FRAS1: variants seen among roughly 807,000 people sequenced by gnomAD.
The protein encoded by FRAS1 is Fraser extracellular matrix complex subunit 1.
A neutral mutation model predicts 435.2 loss-of-function variants in FRAS1; 290 were observed. The ratio of observed to expected loss-of-function variants is 0.67; its 90% CI spans 0.61 to 0.73. The LOEUF (loss-of-function observed/expected upper bound fraction) is 0.73, where lower values mean the gene tolerates loss of function less well. FRAS1 is among the 30% of genes least tolerant of loss of function. The pLI, the probability that FRAS1 is intolerant of heterozygous loss-of-function variation, is 0.00. For synonymous variants in FRAS1, 1,800 were observed against 1,851.0 expected, an observed-to-expected ratio of 0.97 and a Z score of 0.71; for missense variants, 4,860 against 5,001.5, an observed-to-expected ratio of 0.97 and a Z score of 0.85.
In FRAS1 at chr4:78,080,869, G is replaced by A. The variant is rs145104098; in HGVS notation, c.108+14853G>A. On this transcript the variant is annotated intron_variant, in intron 2 of 73. Coordinates refer to ENST00000512123, the MANE Select transcript of FRAS1 (RefSeq NM_025074.7). ...TTACCTTTTAAATCTGTCCCAGGAC[G>A]TCTTACTGAATCAGACTTGAAACTG... is the stretch of plus-strand genomic sequence containing the variant. 3.3e-5 allele frequency among the ~76,000 whole-genome samples: 5 copies of A among 152,224 alleles called. No homozygotes were observed. In the East Asian group the frequency reaches 7.7e-4, roughly 24 times the overall value.
Position 78,308,209 on chromosome 4 carries a change from G to A in FRAS1, c.1678G>A (p.Ala560Thr), listed in dbSNP as rs199588297. The A allele has an allele frequency of 2.2e-5, 35 of 1,613,612 alleles. No homozygotes were observed. Among genetic ancestry groups the A allele is most frequent in the Non-Finnish European group, 2.6e-5 (31 of 1,179,764 alleles). ...CTACAACAGGCAGGGCACCTGTAGC[G>A]GTGAGTGCTGGGTTGCGATGCTGAC... is the stretch of plus-strand genomic sequence containing the variant. ...GFYNRQGTCS[A>T]CDQSCDSCGP... is the part of the protein sequence containing the mutation. The change falls in exon 15 of 74, where the codon GCT becomes ACT. Residue 560 changes from alanine (A) to threonine (T), a missense_variant and splice_region_variant. Physicochemically the swap from Ala to Thr is moderately conservative, Grantham distance 58 (BLOSUM62 0). Transcript: ENST00000512123.
intron 2 of FRAS1, among the ~76,000 whole-genome samples, chr4:78,215,137 A>T (rs909128378): frequency 6.6e-6 from 1 of 152,244 alleles, no homozygotes; most frequent in Admixed American, 6.5e-5. Flanking sequence ...TTGTTTTAAA[A>T]AAATTTTAAT....
At chr4:78,530,575 T>C (rs1721680108) in intron 70 of FRAS1, among the ~76,000 whole-genome samples, 4 of 152,152 alleles carry the variant, frequency 2.6e-5, no homozygotes, top group African/African-American at 9.7e-5. Flanking sequence ...GAAAAGTGGC[T>C]AGCCAAATGC....
At chr4:78,209,592 T>G (rs567588180) in intron 2 of FRAS1, among the ~76,000 whole-genome samples, 1 of 152,264 alleles carries the variant, frequency 6.6e-6, no homozygotes, top group South Asian at 2.1e-4. Flanking sequence ...CCTCTGTCAA[T>G]AGTCTATATC....
chr4:78,185,466 G>T (rs190993621), intron 2 of FRAS1, among the ~76,000 whole-genome samples: 2 of 152,130 alleles, frequency 1.3e-5, no homozygotes, highest in East Asian at 3.8e-4. Flanking sequence ...CTATGCTCAC[G>T]GGATTGTTTT....
intron 2 of FRAS1, among the ~76,000 whole-genome samples, chr4:78,098,032 A>G (rs1741904093): frequency 1.3e-5 from 2 of 152,018 alleles, no homozygotes; most frequent in Non-Finnish European, 2.9e-5. Context: ...GTGAGAAAAT[A>G]AATTTCTGTT....
chr4:78,140,085 ACTAT>A (rs1372698079), intron 2 of FRAS1, among the ~76,000 whole-genome samples: 3 of 152,176 alleles, frequency 2.0e-5, no homozygotes, highest in Admixed American at 1.3e-4. Flanking sequence ...ATGAATTATC[ACTAT>A]CTATCAATTC....
At chr4:78,462,367 C>T (rs1250481591) in intron 47 of FRAS1, among the ~76,000 whole-genome samples, 1 of 151,438 alleles carries the variant, frequency 6.6e-6, no homozygotes, top group East Asian at 1.9e-4. Context: ...AAAGTGAGAC[C>T]CTGTCTCAGA....
At chr4:78,312,851 AAGAAAGAAAG>A (rs1235340621) in intron 15 of FRAS1, among the ~76,000 whole-genome samples, 6 of 48,816 alleles carry the variant, frequency 1.2e-4, no homozygotes, top group African/African-American at 4.5e-4. Context: ...AAAAGAAAGA[AAGAAAGAAAG>A]AGAGAGAGAG....
At position 78,363,672 on chromosome 4, in the gene FRAS1, A is replaced by C. The variant is rs943865140; in HGVS notation, c.2575+7A>C. ...GAGAGAGGAGCTTGTAAAAGTGAGT[A>C]AGTGCTGGACTCAGGAGCTGGAGCT... On this transcript the variant is annotated splice_region_variant and intron_variant, in intron 21 of 73. Transcript: ENST00000512123. 6.3e-7 allele frequency: 1 copy of C among 1,576,472 alleles called. No homozygotes were observed. Among genetic ancestry groups the C allele is most frequent in the Non-Finnish European group, 8.6e-7 (1 of 1,160,906 alleles).
At chr4:78,385,461 T>A (rs1732183198) in intron 28 of FRAS1, among the ~76,000 whole-genome samples, 1 of 152,188 alleles carries the variant, frequency 6.6e-6, no homozygotes, top group Admixed American at 6.5e-5. Context: ...CAAAATGGTA[T>A]TAATAGCCCA....
rs1468250885 is a variant in FRAS1 at position 78,330,230 on chromosome 4, A to G, written c.2138-3042A>G. Among the ~76,000 whole-genome samples, 3 of 152,328 alleles carry G rather than the reference A, an allele frequency of 2.0e-5. No individual in the cohort carries two copies. In the East Asian group the frequency reaches 5.8e-4, roughly 29 times the overall value. ...CATAAATTGTGAAGATTTCATGGAC[A>G]CTCATCACTTCCCCAATCAATACCC... is the stretch of plus-strand genomic sequence containing the variant. On this transcript the variant is annotated intron_variant, in intron 18 of 73. Coordinates refer to ENST00000512123, the MANE Select transcript of FRAS1 (RefSeq NM_025074.7).
intron 2 of FRAS1, among the ~76,000 whole-genome samples, chr4:78,227,016 G>A (rs111832646): frequency 2.4e-4 from 36 of 152,152 alleles, no homozygotes; most frequent in Middle Eastern, 6.8e-3. Context: ...ATTTAATTGC[G>A]TTTGTAGATA....
chr4:78,471,014 A>C (rs187549037), intron 51 of FRAS1, among the ~76,000 whole-genome samples: 1 of 152,312 alleles, frequency 6.6e-6, no homozygotes, highest in East Asian at 1.9e-4. Flanking sequence ...CACTAGAAGA[A>C]GGGGAGGGTG....
chr4:78,304,841 T>G, intron 14 of FRAS1, among the ~76,000 whole-genome samples: 1 of 151,864 alleles, frequency 6.6e-6, no homozygotes, highest in African/African-American at 2.4e-5. Flanking sequence ...TTTTGAAGGG[T>G]TTTTTGTGTC....
At chr4:78,117,965 C>T (rs1718746053) in intron 2 of FRAS1, among the ~76,000 whole-genome samples, 1 of 152,220 alleles carries the variant, frequency 6.6e-6, no homozygotes, top group Non-Finnish European at 1.5e-5. Flanking sequence ...GTGGTTTTAT[C>T]TACCTTTGGT....
chr4:78,301,565 G>T (rs1560637306), intron 14 of FRAS1, among the ~76,000 whole-genome samples: 1 of 152,302 alleles, frequency 6.6e-6, no homozygotes, highest in East Asian at 1.9e-4. Flanking sequence ...GTAGGACTGG[G>T]TCCTCAGAAG....
chr4:78,271,347 G>T (rs947031219), intron 9 of FRAS1, among the ~76,000 whole-genome samples: 21 of 151,842 alleles, frequency 1.4e-4, no homozygotes, highest in Non-Finnish European at 2.6e-4. Context: ...AAGTTCTGGG[G>T]TGCATGTGCA....
rs767440787 is a variant in FRAS1, at chr4:78,499,817, G to A, written c.9212G>A (p.Gly3071Glu). 16 of 1,613,866 alleles carry A rather than the reference G, an allele frequency of 9.9e-6. No individual in the cohort carries two copies. In the South Asian group the frequency reaches 1.8e-4, roughly 18 times the overall value. Residue 3071 changes from glycine to glutamate, a missense_variant, in exon 61 of 74, where the codon GGG (glycine) becomes GAG (glutamate). Physicochemically the swap from Gly to Glu is moderately conservative, Grantham distance 98. Coordinates refer to ENST00000512123, the MANE Select transcript of FRAS1 (RefSeq NM_025074.7). Reference protein sequence around the residue: ...AILNIKVIRRGDQNRTSKVRC... With the variant: ...AILNIKVIRREDQNRTSKVRC... Reference sequence around the variant, plus strand: ...CTGAACATCAAGGTGATCCGCAGAGGGGATCAGAACAGGACCTCCAAGGTT... The same window carrying A: ...CTGAACATCAAGGTGATCCGCAGAGAGGATCAGAACAGGACCTCCAAGGTT...
Sources: gnomAD v4.1 joint callset for allele counts (sites outside exome capture counted in the v4.1 genomes callset) on GRCh38, gnomAD v4.1.1 for gene constraint, MANE v1.5 for transcripts, NCBI Gene and HGNC (gene_info 2026-07-23, HGNC 2026-07-21) for gene names.